The following TRMT9B variants were observed in gnomAD, a reference collection of about 807,000 sequenced individuals.
TRMT9B encodes the protein tRNA methyltransferase 9B (putative), also known as probable tRNA methyltransferase 9B.
In TRMT9B, 16 loss-of-function variants were observed where a neutral mutation model predicts 11.5. The observed-to-expected ratio is 1.39, with a 90% CI of 0.94 to 2.11. The LOEUF is 2.11. Among genes scored for constraint, TRMT9B ranks in the 30% most tolerant of loss-of-function variants. The pLI is 0.00. For synonymous variants in TRMT9B, 274 were observed against 192.4 expected (o/e 1.42, Z -3.51); for missense variants, 941 against 553.8 (o/e 1.70, Z -7.02).
At chr8:13,015,904 C>T (rs1812560199) in intron 4 of TRMT9B, among the ~76,000 whole-genome samples, 1 of 151,908 alleles carries the variant, frequency 6.6e-6, no homozygotes, top group Admixed American at 6.6e-5. Flanking sequence ...TCTGTAACTA[C>T]GAATTAATGT....
intron 1 of TRMT9B, among the ~76,000 whole-genome samples, chr8:12,985,005 C>T (rs1458772907): frequency 6.6e-6 from 1 of 151,102 alleles, no homozygotes; most frequent in African/African-American, 2.4e-5. Flanking sequence ...TCTCACACTC[C>T]CCACCCAGAT....
At chr8:13,018,668 C>A (rs944712715) in intron 4 of TRMT9B, among the ~76,000 whole-genome samples, 1 of 152,122 alleles carries the variant, frequency 6.6e-6, no homozygotes, top group Non-Finnish European at 1.5e-5. Flanking sequence ...AGCCTCTGAT[C>A]ACAACATTTT....
chr8:12,991,723 C>T (rs1003407038), intron 2 of TRMT9B, among the ~76,000 whole-genome samples: 1 of 151,936 alleles, frequency 6.6e-6, no homozygotes, highest in Non-Finnish European at 1.5e-5. Context: ...ACCTGAGGTC[C>T]GGAGTTCAAG....
chr8:13,013,925 G>T (rs891815636), intron 4 of TRMT9B, among the ~76,000 whole-genome samples: 2 of 152,042 alleles, frequency 1.3e-5, no homozygotes, highest in Non-Finnish European at 2.9e-5. Context: ...CTCCAGCCTG[G>T]ATGACAAGAG....
intron 1 of TRMT9B, among the ~76,000 whole-genome samples, chr8:12,970,745 C>A (rs1185564695): frequency 6.6e-6 from 1 of 152,194 alleles, no homozygotes; most frequent in Non-Finnish European, 1.5e-5. Context: ...GGAATTGGCA[C>A]CAAGGCTTTT....
chr8:13,012,063 G>C (rs145917548), intron 3 of TRMT9B: 1 of 985,270 alleles, frequency 1.0e-6, no homozygotes. Flanking sequence ...TCGGATACTA[G>C]AACTATCTTT....
chr8:12,953,148 G>A (rs1800853527), intron 1 of TRMT9B, among the ~76,000 whole-genome samples: 1 of 152,200 alleles, frequency 6.6e-6, no homozygotes, highest in African/African-American at 2.4e-5. Flanking sequence ...TTTATGTTAG[G>A]TGGTAGGCAT....
At chr8:12,993,492 TG>T (rs1298796344) in intron 2 of TRMT9B, among the ~76,000 whole-genome samples, 1 of 152,120 alleles carries the variant, frequency 6.6e-6, no homozygotes, top group Non-Finnish European at 1.5e-5. Context: ...CCCATCTTTA[TG>T]AATATATTAG....
intron 1 of TRMT9B, among the ~76,000 whole-genome samples, chr8:12,987,972 A>G (rs1806625401): frequency 6.6e-6 from 1 of 152,230 alleles, no homozygotes; most frequent in Non-Finnish European, 1.5e-5. Flanking sequence ...CACAATTATT[A>G]CTGAATGTAT....
intron 2 of TRMT9B, among the ~76,000 whole-genome samples, chr8:13,001,262 C>T (rs1809389592): frequency 6.6e-6 from 1 of 152,170 alleles, no homozygotes; most frequent in South Asian, 2.1e-4. Flanking sequence ...AAGACTGGGT[C>T]AGTCTCACCC....
chr8:12,974,477 G>T (rs1469623206), intron 1 of TRMT9B, among the ~76,000 whole-genome samples: 1 of 152,078 alleles, frequency 6.6e-6, no homozygotes, highest in African/African-American at 2.4e-5. Context: ...AAAATCTGTG[G>T]GCCTGCCTGA....
At chr8:12,975,652 C>A (rs982140370) in intron 1 of TRMT9B, among the ~76,000 whole-genome samples, 1 of 152,076 alleles carries the variant, frequency 6.6e-6, no homozygotes, top group Non-Finnish European at 1.5e-5. Flanking sequence ...GTCTGAGAAT[C>A]CTTTGAACCC....
chr8:12,949,398 A>T (rs549555273), intron 1 of TRMT9B, among the ~76,000 whole-genome samples: 13 of 152,320 alleles, frequency 8.5e-5, no homozygotes, highest in African/African-American at 2.9e-4. Context: ...CTGAGATGTG[A>T]AAGTGAAATT....
chr8:12,989,323 C>T (rs865942826), intron 1 of TRMT9B, among the ~76,000 whole-genome samples: 1 of 152,280 alleles, frequency 6.6e-6, no homozygotes, highest in African/African-American at 2.4e-5. Flanking sequence ...TATACGACCC[C>T]ATTCTATCTT....
chr8:12,955,390 C>T (rs545663791), intron 1 of TRMT9B, among the ~76,000 whole-genome samples: 10 of 152,190 alleles, frequency 6.6e-5, no homozygotes, highest in Middle Eastern at 3.4e-3. Flanking sequence ...CACACATATG[C>T]GTGTTTTTAT....
chr8:13,012,382 A>T, intron 3 of TRMT9B: 4 of 585,828 alleles, frequency 6.8e-6, no homozygotes, highest in Non-Finnish European at 8.8e-6. Flanking sequence ...TTCGAGACCA[A>T]CCTGACCAAC....
intron 1 of TRMT9B, among the ~76,000 whole-genome samples, chr8:12,964,130 G>T (rs766114188): frequency 6.6e-6 from 1 of 152,090 alleles, no homozygotes; most frequent in Non-Finnish European, 1.5e-5. Context: ...GCTTTTCTAA[G>T]GAAACTCAAA....
At chr8:12,950,252 T>C (rs1289908068) in intron 1 of TRMT9B, among the ~76,000 whole-genome samples, 3 of 152,234 alleles carry the variant, frequency 2.0e-5, no homozygotes, top group Non-Finnish European at 4.4e-5. Context: ...TATGTTTTCC[T>C]ACAAAAGTTA....
At chr8:12,970,581 C>G (rs1378787596) in intron 1 of TRMT9B, among the ~76,000 whole-genome samples, 2 of 152,210 alleles carry the variant, frequency 1.3e-5, no homozygotes, top group Non-Finnish European at 2.9e-5. Context: ...CTGTGCTGAC[C>G]TTTTTTGAGG....
Sources: gnomAD v4.1 joint callset for allele counts (sites outside exome capture counted in the v4.1 genomes callset) on GRCh38, gnomAD v4.1.1 for gene constraint, MANE v1.5 for transcripts, NCBI Gene and HGNC (gene_info 2026-07-23, HGNC 2026-07-21) for gene names.